Variants in MIS18BP1 observed in about 807,000 individuals in gnomAD.
MIS18BP1 encodes MIS18 binding protein 1.
Under a neutral mutation model 116.1 loss-of-function variants are expected in MIS18BP1, and 72 were observed. The ratio of observed to expected loss-of-function variants is 0.62; its 90% CI spans 0.51 to 0.75. The LOEUF (loss-of-function observed/expected upper bound fraction) is 0.75, where lower values mean the gene tolerates loss of function less well. MIS18BP1 is among the 30% of genes least tolerant of loss of function. MIS18BP1 has a pLI of 0.00. For synonymous variants in MIS18BP1, 386 were observed against 427.0 expected (o/e 0.90, Z 1.18); for missense variants, 1,363 against 1,303.2 (o/e 1.05, Z -0.71).
chr14:45,221,789 C>T (rs1890984098), intron 11 of MIS18BP1, among the ~76,000 whole-genome samples: 1 of 152,154 alleles, frequency 6.6e-6, no homozygotes, highest in South Asian at 2.1e-4. Flanking sequence ...TTCTATATCC[C>T]TGCTAATTTT....
chr14:45,204,556 T>TA, intron 15 of MIS18BP1, 103 bp from the exon 16 acceptor site: 1 of 740,388 alleles, frequency 1.4e-6, no homozygotes, highest in South Asian at 1.9e-5. Flanking sequence ...ACTTTGAACA[T>TA]ATGCCTATAA....
At chr14:45,223,601 C>CA (rs1891034627) in intron 11 of MIS18BP1, among the ~76,000 whole-genome samples, 1 of 151,934 alleles carries the variant, frequency 6.6e-6, no homozygotes, top group Non-Finnish European at 1.5e-5. Flanking sequence ...AAACAAAAAA[C>CA]AAAAAAATGC....
intron 11 of MIS18BP1, among the ~76,000 whole-genome samples, chr14:45,218,828 G>T (rs1481597869): frequency 2.6e-5 from 4 of 151,562 alleles, no homozygotes; most frequent in Non-Finnish European, 4.4e-5. Flanking sequence ...AATCTTATTG[G>T]TGCTAAGTAT....
chr14:45,207,912 C>A (rs867512132), intron 14 of MIS18BP1, among the ~76,000 whole-genome samples: 1 of 152,110 alleles, frequency 6.6e-6, no homozygotes, highest in African/African-American at 2.4e-5. Flanking sequence ...TATCGTGTTT[C>A]TTTAATTGTA....
intron 14 of MIS18BP1, 106 bp from the exon 15 acceptor site, chr14:45,206,276 A>G (rs1215531635): frequency 6.9e-6 from 5 of 726,166 alleles, no homozygotes; most frequent in African/African-American, 1.8e-5. Flanking sequence ...ACAATTGCCT[A>G]AATTAATTTC....
At chr14:45,214,913 G>A (rs1021387291) in intron 13 of MIS18BP1, among the ~76,000 whole-genome samples, 1 of 152,102 alleles carries the variant, frequency 6.6e-6, no homozygotes, top group African/African-American at 2.4e-5. Context: ...CACCATGCCA[G>A]CTAATTTTTG....
chr14:45,205,972 A>G, intron 15 of MIS18BP1, 111 bp downstream of exon 15: 2 of 625,976 alleles, frequency 3.2e-6, no homozygotes, highest in Non-Finnish European at 5.5e-6. Context: ...GTAACTTGTT[A>G]CATTATAATC....
chr14:45,215,289 T>G (rs1324170686), intron 13 of MIS18BP1, among the ~76,000 whole-genome samples: 1 of 152,194 alleles, frequency 6.6e-6, no homozygotes, highest in East Asian at 1.9e-4. Flanking sequence ...CTTTTTAAAT[T>G]GAAGATAATT....
chr14:45,240,758 C>T lies in MIS18BP1; in HGVS notation c.1143+1276G>A, dbSNP rs139603913. On this transcript the variant is annotated intron_variant, in intron 4 of 16. Transcript: ENST00000310806. ...TAATCCAAAAAAAAAAAAATTTAGCCGGGCATGGCAGCATGTGCCTGTAGT... is the reference window on the plus strand; with the variant it reads ...TAATCCAAAAAAAAAAAAATTTAGCTGGGCATGGCAGCATGTGCCTGTAGT... Among the ~76,000 whole-genome samples, 744 of 152,012 alleles carry T rather than the reference C, an allele frequency of 4.9e-3. 6 individuals are homozygous for T. Among genetic ancestry groups the T allele is most frequent in the African/African-American group, 0.017 (698 of 41,468 alleles).
chr14:45,240,035 A>T (rs1048763630), intron 4 of MIS18BP1, among the ~76,000 whole-genome samples: 2 of 152,188 alleles, frequency 1.3e-5, no homozygotes, highest in Non-Finnish European at 2.9e-5. Context: ...TGCCTATCTG[A>T]TATCAATAGA....
intron 6 of MIS18BP1, among the ~76,000 whole-genome samples, chr14:45,235,439 A>G (rs1460502663): frequency 6.8e-6 from 1 of 146,608 alleles, no homozygotes; most frequent in African/African-American, 2.4e-5. Flanking sequence ...AAAAATACAA[A>G]AATTAGTTGG....
At chr14:45,208,822 G>A (rs1301350661) in intron 14 of MIS18BP1, among the ~76,000 whole-genome samples, 1 of 152,134 alleles carries the variant, frequency 6.6e-6, no homozygotes, top group African/African-American at 2.4e-5. Context: ...CTTCCTGAGA[G>A]TACTGAATAG....
At chr14:45,213,541 A>G (rs1226216908) in intron 13 of MIS18BP1, among the ~76,000 whole-genome samples, 1 of 152,220 alleles carries the variant, frequency 6.6e-6, no homozygotes, top group Non-Finnish European at 1.5e-5. Flanking sequence ...CAGATAGGGA[A>G]TATTTTAGGT....
At chr14:45,251,281 G>A (rs1410190861) in intron 1 of MIS18BP1, among the ~76,000 whole-genome samples, 1 of 152,028 alleles carries the variant, frequency 6.6e-6, no homozygotes, top group South Asian at 2.1e-4. Context: ...TTGAAGCCCA[G>A]AATAGGTTAT....
chr14:45,219,248 A>T (rs1890907654), intron 11 of MIS18BP1, among the ~76,000 whole-genome samples: 1 of 152,170 alleles, frequency 6.6e-6, no homozygotes, highest in South Asian at 2.1e-4. Flanking sequence ...TTTTATTTCT[A>T]CTTGGATTCC....
chr14:45,230,458 T>C (rs1891243599), intron 8 of MIS18BP1, among the ~76,000 whole-genome samples: 1 of 152,150 alleles, frequency 6.6e-6, no homozygotes, highest in African/African-American at 2.4e-5. Context: ...TGCCTATCCG[T>C]AGGAATGAAA....
intron 12 of MIS18BP1, among the ~76,000 whole-genome samples, chr14:45,217,627 G>T (rs377558154): frequency 1.3e-5 from 2 of 151,708 alleles, no homozygotes; most frequent in African/African-American, 4.8e-5. Flanking sequence ...GTAGAGATGG[G>T]GTTTCACCAT....
rs376363838 is a variant in MIS18BP1 at position 45,224,416 on chromosome 14, C to T, written c.2171G>A (p.Arg724Gln). Residue 724 changes from arginine to glutamine, a missense_variant, in exon 11 of 17, where the codon CGG becomes CAG. By Grantham distance (43) the Arg-to-Gln change is conservative. Coordinates refer to ENST00000310806, the MANE Select transcript of MIS18BP1 (RefSeq NM_018353.5). Reference protein sequence around the residue: ...CDERDLLTVNRKIKISNLEKE... With the variant: ...CDERDLLTVNQKIKISNLEKE... ...TTCAAGGTTAGATATTTTTATTTTC[C>T]GGTTGACAGTAAGTAAGTCACGTTC... The T allele has an allele frequency of 9.7e-5, 157 of 1,613,560 alleles. No individual in the cohort carries two copies. Among genetic ancestry groups the T allele is most frequent in the Middle Eastern group, 1.6e-4 (1 of 6,078 alleles).
chr14:45,232,719 A>C lies in MIS18BP1; in HGVS notation c.1436+14T>G, dbSNP rs1277454244. 7.4e-7 allele frequency: 1 copy of C among 1,354,546 alleles called. No homozygotes were observed. Among genetic ancestry groups the C allele is most frequent in the East Asian group, 2.5e-5 (1 of 39,732 alleles). 83.9% of individuals were successfully genotyped at this position (1,354,546 alleles called of 1,614,324 possible). A position where few individuals can be genotyped will look rare whatever the true frequency, so the allele number is the denominator to read the frequency against. On this transcript the variant is annotated intron_variant, in intron 7 of 16. Coordinates refer to ENST00000310806, the MANE Select transcript of MIS18BP1 (RefSeq NM_018353.5). ...AATAAAGTTGACTTCTAAAAACATAAAACAACATTTTACCTTAATTGTTCC... is the reference window on the plus strand; with the variant it reads ...AATAAAGTTGACTTCTAAAAACATACAACAACATTTTACCTTAATTGTTCC...
Sources: gnomAD v4.1 joint callset for allele counts (sites outside exome capture counted in the v4.1 genomes callset) on GRCh38, gnomAD v4.1.1 for gene constraint, MANE v1.5 for transcripts, NCBI Gene and HGNC (gene_info 2026-07-23, HGNC 2026-07-21) for gene names.